The following CHM variants were observed in gnomAD, a reference collection of about 807,000 sequenced individuals.
CHM encodes CHM Rab escort protein.
CHM carries 10 observed loss-of-function variants against 49.0 expected under a neutral mutation model. The observed-to-expected ratio is 0.20, with a 90% confidence interval of 0.13 to 0.35. CHM has a LOEUF of 0.35. Ranked by LOEUF, CHM falls within the 10% of genes least tolerant of loss-of-function variation. CHM has a pLI of 1.00. For missense variants in CHM, 455 were observed against 478.4 expected (o/e 0.95, Z 0.46); for synonymous variants, 184 against 167.5 (o/e 1.10, Z -0.76).
At chrX:86,001,370 C>T (rs1393090320) in intron 2 of CHM, among the ~76,000 whole-genome samples, 1 of 109,899 alleles carries the variant, frequency 9.1e-6, no homozygotes, top group South Asian at 3.8e-4. Context: ...AAAAAAAATA[C>T]TATACTGCCA....
In CHM at chrX:85,864,755, C is replaced by G. The variant is rs768611969; in HGVS notation, c.1837G>C (p.Asp613His). The G allele has an allele frequency of 1.7e-6, 2 of 1,206,944 alleles. No individual in the cohort carries two copies. Among genetic ancestry groups the G allele is most frequent in the Admixed American group, 4.4e-5 (2 of 45,589 alleles). ...DFCPPPPNPE[D>H]IILDGDSLQP... ...AAACTGTCTCCATCAAGGATAATGTCTTCAGGATTTGGTGGAGGGGGACAG... is the reference window on the plus strand; with the variant it reads ...AAACTGTCTCCATCAAGGATAATGTGTTCAGGATTTGGTGGAGGGGGACAG... The change falls in exon 15 of 15, where the codon GAC becomes CAC. Residue 613 changes from aspartate to histidine, a missense_variant. Asp to His is a moderately conservative substitution (Grantham distance 81). Coordinates refer to ENST00000357749, the MANE Select transcript of CHM (RefSeq NM_000390.4).
chrX:85,913,717 G>T (rs868030900), intron 8 of CHM, among the ~76,000 whole-genome samples: 2 of 111,016 alleles, frequency 1.8e-5, no homozygotes, highest in Non-Finnish European at 3.8e-5. Flanking sequence ...AAAGATCCAT[G>T]AATGTATGGA....
At chrX:85,884,439 C>G (rs1924961786) in intron 12 of CHM, among the ~76,000 whole-genome samples, 1 of 110,717 alleles carries the variant, frequency 9.0e-6, no homozygotes, top group African/African-American at 3.3e-5. Context: ...GATAGGAAAG[C>G]TGAGGCACAT....
chrX:85,900,957 G>A (rs996189107), intron 10 of CHM, 127 bp downstream of exon 10: 29 of 537,959 alleles, frequency 5.4e-5, no homozygotes, highest in Non-Finnish European at 6.9e-5. Flanking sequence ...ACCAGACCCT[G>A]TAAGTGAAGT....
At chrX:85,893,798 C>T (rs984415468) in intron 12 of CHM, among the ~76,000 whole-genome samples, 1 of 111,131 alleles carries the variant, frequency 9.0e-6, no homozygotes, top group Non-Finnish European at 1.9e-5. Context: ...CAATAAATTT[C>T]TATTGTTTAT....
intron 4 of CHM, among the ~76,000 whole-genome samples, chrX:85,978,001 T>C (rs1432582468): frequency 1.8e-5 from 2 of 112,015 alleles, no homozygotes; most frequent in African/African-American, 6.5e-5. Context: ...GTGTATTGAA[T>C]TTTAAGTTTT....
At chrX:85,928,456 T>C (rs1228934877) in intron 8 of CHM, among the ~76,000 whole-genome samples, 1 of 110,553 alleles carries the variant, frequency 9.0e-6, no homozygotes, top group East Asian at 2.8e-4. Flanking sequence ...GGCAGGAGAA[T>C]CTCTTGAACC....
chrX:85,867,212 T>C (rs1250145466), intron 14 of CHM, among the ~76,000 whole-genome samples: 9 of 111,821 alleles, frequency 8.0e-5, no homozygotes, highest in Admixed American at 6.7e-4. Context: ...TTCCCCATGC[T>C]GTCCTCGTGA....
At chrX:85,976,007 A>G (rs1603267880) in intron 4 of CHM, among the ~76,000 whole-genome samples, 1 of 112,432 alleles carries the variant, frequency 8.9e-6, no homozygotes, top group African/African-American at 3.2e-5. Context: ...AAATAAGAGA[A>G]TTTTCTAGAT....
At position 85,864,651 on chromosome X, in the gene CHM, G is replaced by A. The variant is rs369738498; in HGVS notation, c.1941C>T (p.Asn647=). 1.7e-6 allele frequency: 2 copies of A among 1,209,181 alleles called. No individual in the cohort carries two copies. ...ETFKESTNLG[N]LEESSE is the part of the protein sequence containing the mutation. The stretch of plus-strand genomic sequence containing the variant: ...TCCATTATTCAGAGGACTCCTCTAG[G>A]TTTCCAAGGTTTGTGCTTTCCTTGA... The change falls in exon 15 of 15, where the codon AAC becomes AAT. Residue 647 remains asparagine, a synonymous_variant. Transcript: ENST00000357749.
At chrX:86,023,028 T>G (rs1442122010) in intron 2 of CHM, among the ~76,000 whole-genome samples, 1 of 110,919 alleles carries the variant, frequency 9.0e-6, no homozygotes, top group Non-Finnish European at 1.9e-5. Context: ...CCTTCTACCT[T>G]TTATTCATTC....
intron 2 of CHM, among the ~76,000 whole-genome samples, chrX:86,018,410 T>C (rs985969941): frequency 8.9e-6 from 1 of 112,234 alleles, no homozygotes; most frequent in East Asian, 2.8e-4. Context: ...TGCAGAGGAA[T>C]TGGATCACTC....
At chrX:85,958,210 T>C (rs973751086) in intron 6 of CHM, among the ~76,000 whole-genome samples, 2 of 112,275 alleles carry the variant, frequency 1.8e-5, no homozygotes, top group Admixed American at 9.5e-5. Flanking sequence ...GCCAACGGCA[T>C]GTCATCCTAA....
intron 2 of CHM, among the ~76,000 whole-genome samples, chrX:85,987,178 C>A (rs1931962282): frequency 1.8e-5 from 2 of 112,076 alleles, no homozygotes; most frequent in Non-Finnish European, 3.8e-5. Flanking sequence ...CAGGCAAAAT[C>A]TATAAATCAC....
chrX:85,926,914 G>A (rs1021286045), intron 8 of CHM, among the ~76,000 whole-genome samples: 1 of 111,967 alleles, frequency 8.9e-6, no homozygotes, highest in Non-Finnish European at 1.9e-5. Flanking sequence ...ATGCTCATAC[G>A]TTTTACATAA....
chrX:86,041,497 G>C (rs781727579), intron 1 of CHM, among the ~76,000 whole-genome samples: 1 of 109,150 alleles, frequency 9.2e-6, no homozygotes, highest in South Asian at 3.9e-4. Flanking sequence ...TACTAAATCT[G>C]TTCCAAAAAC....
chrX:85,925,928 ATCT>A (rs1928052488), intron 8 of CHM, among the ~76,000 whole-genome samples: 1 of 110,942 alleles, frequency 9.0e-6, no homozygotes. Context: ...TACAGAGACC[ATCT>A]TCTTAGAAAC....
At chrX:85,871,226 G>T (rs756357292) in intron 14 of CHM, among the ~76,000 whole-genome samples, 1 of 97,145 alleles carries the variant, frequency 1.0e-5, no homozygotes, top group East Asian at 3.3e-4. Context: ...AGAATGGCAT[G>T]AACCCAGGAG....
intron 8 of CHM, among the ~76,000 whole-genome samples, chrX:85,933,581 T>A (rs1312530867): frequency 3.6e-5 from 4 of 112,267 alleles, no homozygotes; most frequent in African/African-American, 1.3e-4. Context: ...AAGCTAATTA[T>A]TTGTTCAATA....
Sources: gnomAD v4.1 joint callset for allele counts (sites outside exome capture counted in the v4.1 genomes callset) on GRCh38, gnomAD v4.1.1 for gene constraint, MANE v1.5 for transcripts, NCBI Gene and HGNC (gene_info 2026-07-23, HGNC 2026-07-21) for gene names.